LRFN5: variants seen among roughly 807,000 people sequenced by gnomAD.
The protein encoded by LRFN5 is leucine rich repeat and fibronectin type III domain containing 5.
A neutral mutation model predicts 45.6 loss-of-function variants in LRFN5; 24 were observed. The observed-to-expected ratio is 0.53, with a 90% confidence interval of 0.38 to 0.74. The LOEUF is 0.74. LRFN5 is among the 30% of genes least tolerant of loss of function. LRFN5 has a pLI of 0.00. For synonymous variants in LRFN5, 340 were observed against 313.8 expected (o/e 1.08, Z -0.88); for missense variants, 776 against 861.5 (o/e 0.90, Z 1.24).
At position 41,870,135 on chromosome 14, in the gene LRFN5, T is replaced by C. The variant is rs143916857; in HGVS notation, c.-20-16471T>C. Among the ~76,000 whole-genome samples, 3 of 152,254 alleles carry C rather than the reference T, an allele frequency of 2.0e-5. No homozygotes were observed. The East Asian group carries it at 5.8e-4, about 29-fold the overall frequency. ...GTATTGGCCTGGTTGAGTTTTCATTTGGAGGCTTAACTAGGGAAGAACTCA... is the reference window on the plus strand; with the variant it reads ...GTATTGGCCTGGTTGAGTTTTCATTCGGAGGCTTAACTAGGGAAGAACTCA... On this transcript the variant is annotated intron_variant, in intron 2 of 5. Coordinates refer to ENST00000298119, the MANE Select transcript of LRFN5 (RefSeq NM_152447.5).
intron 1 of LRFN5, among the ~76,000 whole-genome samples, chr14:41,633,847 G>GTGTA (rs148871142): frequency 5.3e-5 from 8 of 152,054 alleles, no homozygotes; most frequent in East Asian, 1.9e-4. Flanking sequence ...TCATACACAA[G>GTGTA]TGTATGTATG....
intron 4 of LRFN5, among the ~76,000 whole-genome samples, chr14:41,896,888 C>G (rs1447765932): frequency 6.6e-6 from 1 of 151,764 alleles, no homozygotes; most frequent in African/African-American, 2.4e-5. Context: ...GTCAGGAGAT[C>G]GAGACCATCC....
chr14:41,760,093 T>C (rs1386434101), intron 1 of LRFN5, among the ~76,000 whole-genome samples: 2 of 152,212 alleles, frequency 1.3e-5, no homozygotes, highest in Non-Finnish European at 2.9e-5. Flanking sequence ...ATTTTATATG[T>C]ATTTGTATTT....
At chr14:41,835,010 TAAA>T (rs71440752) in intron 2 of LRFN5, among the ~76,000 whole-genome samples, 20 of 142,032 alleles carry the variant, frequency 1.4e-4, no homozygotes, top group Non-Finnish European at 1.5e-4. Flanking sequence ...CAGAACAAAT[TAAA>T]AAAAAAAAAA....
At chr14:41,806,790 T>C (rs1178550376) in intron 2 of LRFN5, among the ~76,000 whole-genome samples, 3 of 152,172 alleles carry the variant, frequency 2.0e-5, no homozygotes, top group African/African-American at 7.2e-5. Context: ...CAGACAGATC[T>C]GAAGAAGCAC....
chr14:41,783,354 G>A (rs542476775), intron 2 of LRFN5, among the ~76,000 whole-genome samples: 16 of 152,244 alleles, frequency 1.1e-4, no homozygotes, highest in South Asian at 1.0e-3. Context: ...AGCGGATGCT[G>A]TCTGTATCTC....
rs777670574 is a variant in LRFN5, at chr14:41,751,402, G to A, written c.-196-15452G>A. Among the ~76,000 whole-genome samples the A allele has an allele frequency of 7.2e-4, 110 of 152,026 alleles. 1 individual carries two copies. The Middle Eastern group carries it at 0.01, about 14-fold the overall frequency. On this transcript the variant is annotated intron_variant, in intron 1 of 5. Transcript: ENST00000298119. ...AATTAGAATATATTGAAAAAAAATT[G>A]AAATTATAATCCTTCCACATATATA...
intron 1 of LRFN5, among the ~76,000 whole-genome samples, chr14:41,710,956 C>T (rs1042410057): frequency 4.7e-5 from 7 of 147,760 alleles, no homozygotes; most frequent in African/African-American, 1.5e-4. Flanking sequence ...TTTTTTATGG[C>T]TGCATAGTAT....
intron 2 of LRFN5, among the ~76,000 whole-genome samples, chr14:41,852,281 T>A (rs926740995): frequency 2.6e-5 from 4 of 151,888 alleles, no homozygotes; most frequent in Non-Finnish European, 5.9e-5. Context: ...CTTCTTTTTT[T>A]GCATTTTGAA....
At chr14:41,806,450 G>A (rs2138980535) in intron 2 of LRFN5, among the ~76,000 whole-genome samples, 1 of 152,294 alleles carries the variant, frequency 6.6e-6, no homozygotes, top group African/African-American at 2.4e-5. Flanking sequence ...AGGAAGTTTT[G>A]TTTGCTAGAG....
chr14:41,898,918 T>G lies in LRFN5; in HGVS notation c.2100T>G (p.Asn700Lys). ...TGACACTGAACATTTTATTCCCAGATGCTTTGCTGACTAATGTTGACCAGA... is the reference window on the plus strand; with the variant it reads ...TGACACTGAACATTTTATTCCCAGAGGCTTTGCTGACTAATGTTGACCAGA... ...PTSKRAHIKP[N>K]ALLTNVDQIV... The change falls in exon 5 of 6, where the codon AAT becomes AAG. Residue 700 changes from asparagine to lysine, a missense_variant and splice_region_variant. Transcript: ENST00000298119. The G allele has an allele frequency of 6.2e-7, 1 of 1,610,252 alleles. No individual in the cohort carries two copies. Among genetic ancestry groups the G allele is most frequent in the Non-Finnish European group, 8.5e-7 (1 of 1,178,484 alleles).
intron 1 of LRFN5, among the ~76,000 whole-genome samples, chr14:41,679,430 TA>T (rs1027697172): frequency 1.3e-5 from 2 of 151,990 alleles, no homozygotes; most frequent in African/African-American, 4.8e-5. Context: ...CACAGTAAGA[TA>T]AGGCATCAGG....
chr14:41,886,590 G>A lies in LRFN5; in HGVS notation c.-20-16G>A, dbSNP rs752806461. 6 of 1,470,302 alleles carry A rather than the reference G, an allele frequency of 4.1e-6. No homozygotes were observed. The highest frequency in any genetic ancestry group is 4.6e-6 in the Non-Finnish European group (5 of 1,092,122). 91.1% of individuals were successfully genotyped at this position (1,470,302 alleles called of 1,614,324 possible). On this transcript the variant is annotated splice_polypyrimidine_tract_variant and intron_variant, in intron 2 of 5. Coordinates refer to ENST00000298119, the MANE Select transcript of LRFN5 (RefSeq NM_152447.5). ...TCACTGGATGCTAACATTCTATTTT[G>A]TGTCTTCCGTTACAGGCTCTTAAAC...
At chr14:41,816,523 A>G (rs376227995) in intron 2 of LRFN5, among the ~76,000 whole-genome samples, 4 of 151,872 alleles carry the variant, frequency 2.6e-5, no homozygotes, top group Non-Finnish European at 5.9e-5. Flanking sequence ...TTTCTGCTTC[A>G]TTTTTGAAGG....
chr14:41,808,373 GGGAAA>G (rs1349782525), intron 2 of LRFN5, among the ~76,000 whole-genome samples: 489 of 94,698 alleles, frequency 5.2e-3, no homozygotes, highest in Middle Eastern at 0.026. Context: ...AAGGAAGGAA[GGGAAA>G]GAAGGAAGGA....
At chr14:41,652,530 T>C (rs1376673955) in intron 1 of LRFN5, among the ~76,000 whole-genome samples, 1 of 152,150 alleles carries the variant, frequency 6.6e-6, no homozygotes, top group Non-Finnish European at 1.5e-5. Context: ...AAGTTTAGCA[T>C]TTAATATTCT....
rs182006303 is a variant in LRFN5, at chr14:41,758,072, G to A, written c.-196-8782G>A. On this transcript the variant is annotated intron_variant, in intron 1 of 5. Transcript: ENST00000298119. ...TCTTTCCAAATTATGCTTTCAAATG[G>A]CCTTTGAAGGTGTCTTCTCTTTATC... Among the ~76,000 whole-genome samples the A allele has an allele frequency of 2.0e-5, 3 of 152,198 alleles. No homozygotes were observed. In the East Asian group the frequency reaches 5.8e-4, roughly 29 times the overall value.
chr14:41,795,194 C>T (rs150871277), intron 2 of LRFN5, among the ~76,000 whole-genome samples: 36 of 152,138 alleles, frequency 2.4e-4, no homozygotes, highest in Middle Eastern at 3.4e-3. Context: ...CATCGCTGGC[C>T]ATCTAAGAAA....
At chr14:41,828,831 T>G (rs1888382324) in intron 2 of LRFN5, among the ~76,000 whole-genome samples, 3 of 151,932 alleles carry the variant, frequency 2.0e-5, no homozygotes, top group South Asian at 2.1e-4. Flanking sequence ...TGAAAATGCT[T>G]ACAATGGACT....
Sources: gnomAD v4.1 joint callset for allele counts (sites outside exome capture counted in the v4.1 genomes callset) on GRCh38, gnomAD v4.1.1 for gene constraint, MANE v1.5 for transcripts, NCBI Gene and HGNC (gene_info 2026-07-23, HGNC 2026-07-21) for gene names.